The following LPA variants were observed in gnomAD, a reference collection of about 807,000 sequenced individuals.
LPA encodes the protein lipoprotein(a), also known as apolipoprotein(a).
LPA carries 199 observed loss-of-function variants against 197.9 expected under a neutral mutation model. That is an observed-to-expected ratio of 1.01 (90% CI 0.90 to 1.13). The LOEUF is 1.13. Ranked by LOEUF, LPA falls within the 50% of genes most tolerant of loss-of-function variation. The pLI, the probability that LPA is intolerant of heterozygous loss-of-function variation, is 0.00. For missense variants in LPA, 1,853 were observed against 1,785.8 expected, an observed-to-expected ratio of 1.04 and a Z score of -0.68; for synonymous variants, 715 against 639.5, an observed-to-expected ratio of 1.12 and a Z score of -1.78.
chr6:160,609,896 C>T (rs1779451358), intron 16 of LPA, among the ~76,000 whole-genome samples: 1 of 151,914 alleles, frequency 6.6e-6, no homozygotes, highest in South Asian at 2.1e-4. Flanking sequence ...ATTTTTTCTT[C>T]TGAAACATCT....
chr6:160,599,475 C>T, intron 20 of LPA, 25 bp downstream of exon 20: 5 of 1,612,624 alleles, frequency 3.1e-6, no homozygotes, highest in South Asian at 2.2e-5. Flanking sequence ...CCTTCCTTCG[C>T]TTATGGTAAA....
At chr6:160,566,038 A>AC (rs1778448708) in intron 28 of LPA, among the ~76,000 whole-genome samples, 1 of 152,310 alleles carries the variant, frequency 6.6e-6, no homozygotes, top group African/African-American at 2.4e-5. Flanking sequence ...ATGTGAAAAG[A>AC]CCAAATCTAC....
At chr6:160,558,210 C>T (rs775797927) in intron 28 of LPA, among the ~76,000 whole-genome samples, 9 of 152,102 alleles carry the variant, frequency 5.9e-5, no homozygotes, top group Non-Finnish European at 1.2e-4. Flanking sequence ...TGAGCCACTG[C>T]GCCTGGCCTT....
intron 1 of LPA, among the ~76,000 whole-genome samples, chr6:160,652,595 C>T (rs1428859352): frequency 2.6e-5 from 4 of 152,026 alleles, no homozygotes; most frequent in African/African-American, 7.2e-5. Context: ...TTGGGATCTA[C>T]TGTAAAAGAT....
At chr6:160,658,897 A>C (rs1030028443) in intron 1 of LPA, among the ~76,000 whole-genome samples, 1 of 151,528 alleles carries the variant, frequency 6.6e-6, no homozygotes, top group African/African-American at 2.4e-5. Context: ...TATATGAGAG[A>C]GAGAGAGAGA....
At chr6:160,557,966 C>T (rs1583577294) in intron 28 of LPA, among the ~76,000 whole-genome samples, 1 of 151,090 alleles carries the variant, frequency 6.6e-6, no homozygotes. Context: ...GTCGCCCAGA[C>T]TGGAGTGCAG....
chr6:160,588,350 G>C (rs1778956803), intron 24 of LPA, among the ~76,000 whole-genome samples: 2 of 151,874 alleles, frequency 1.3e-5, no homozygotes, highest in South Asian at 4.2e-4. Flanking sequence ...AGTTTTTCTG[G>C]AGTCACCTTG....
At chr6:160,539,047 A>G (rs1363493260) in intron 36 of LPA, among the ~76,000 whole-genome samples, 1 of 152,224 alleles carries the variant, frequency 6.6e-6, no homozygotes, top group Non-Finnish European at 1.5e-5. Context: ...CTAGAGTGTC[A>G]GAGGATTCCA....
At chr6:160,576,102 G>C (rs1253007681) in intron 28 of LPA, among the ~76,000 whole-genome samples, 2 of 151,836 alleles carry the variant, frequency 1.3e-5, no homozygotes, top group African/African-American at 4.8e-5. Context: ...TGTGCAACTT[G>C]TGAAAACAGT....
chr6:160,565,864 G>C (rs577752918), intron 28 of LPA, among the ~76,000 whole-genome samples: 1 of 152,166 alleles, frequency 6.6e-6, no homozygotes, highest in Non-Finnish European at 1.5e-5. Context: ...ACCATGGCAC[G>C]AGAACTACGT....
intron 26 of LPA, among the ~76,000 whole-genome samples, chr6:160,584,264 CTCTTCCTCT>C (rs1356754960): frequency 4.8e-5 from 5 of 103,488 alleles, no homozygotes; most frequent in Admixed American, 2.0e-4. Flanking sequence ...CCTCCTCTTC[CTCTTCCTCT>C]TCTTCTTCTT....
intron 30 of LPA, among the ~76,000 whole-genome samples, chr6:160,553,838 A>T (rs1156339201): frequency 6.6e-6 from 1 of 151,118 alleles, no homozygotes; most frequent in Non-Finnish European, 1.5e-5. Context: ...GACTTGCTTT[A>T]CCCATATATT....
At chr6:160,557,271 T>C (rs1583576731) in intron 29 of LPA, 119 bp downstream of exon 29, 1 of 1,247,128 alleles carries the variant, frequency 8.0e-7, no homozygotes, top group Non-Finnish European at 1.2e-6. Context: ...GAGGCTTCTT[T>C]CCACCTGCCA....
At chr6:160,593,766 A>G (rs1445386136) in intron 22 of LPA, among the ~76,000 whole-genome samples, 192 bp downstream of exon 22, 1 of 152,186 alleles carries the variant, frequency 6.6e-6, no homozygotes, top group Non-Finnish European at 1.5e-5. Context: ...TCTGTCAACT[A>G]TGAGAAAAGA....
At chr6:160,651,982 C>G (rs1337195116) in intron 1 of LPA, among the ~76,000 whole-genome samples, 1 of 142,762 alleles carries the variant, frequency 7.0e-6, no homozygotes, top group Non-Finnish European at 1.5e-5. Flanking sequence ...AGAACTTATC[C>G]AAACCAACAC....
chr6:160,568,110 A>G (rs1778492667), intron 28 of LPA, among the ~76,000 whole-genome samples: 1 of 152,218 alleles, frequency 6.6e-6, no homozygotes, highest in Non-Finnish European at 1.5e-5. Context: ...AATCATAGAA[A>G]AAGAGGGAAT....
chr6:160,548,423 T>G, intron 31 of LPA, 55 bp downstream of exon 31: 1 of 1,573,302 alleles, frequency 6.4e-7, no homozygotes, highest in Non-Finnish European at 8.7e-7. Context: ...TTCATCCCGT[T>G]GTCCAAGCAC....
chr6:160,576,356 A>ATGTG (rs1583590326), intron 28 of LPA, among the ~76,000 whole-genome samples: 2 of 35,924 alleles, frequency 5.6e-5, no homozygotes, highest in East Asian at 2.6e-3. Context: ...ATATATATAT[A>ATGTG]TATATATATA....
At chr6:160,570,582 T>C (rs1778545542) in intron 28 of LPA, among the ~76,000 whole-genome samples, 1 of 152,150 alleles carries the variant, frequency 6.6e-6, no homozygotes, top group South Asian at 2.1e-4. Flanking sequence ...CATGTATACA[T>C]ATGTAACAAA....
Sources: gnomAD v4.1 joint callset for allele counts (sites outside exome capture counted in the v4.1 genomes callset) on GRCh38, gnomAD v4.1.1 for gene constraint, MANE v1.5 for transcripts, NCBI Gene and HGNC (gene_info 2026-07-23, HGNC 2026-07-21) for gene names.